DCDC1: variants seen among roughly 807,000 people sequenced by gnomAD.
The protein encoded by DCDC1 is doublecortin domain-containing protein 1.
Under a neutral mutation model 178.3 loss-of-function variants are expected in DCDC1, and 200 were observed. The ratio of observed to expected loss-of-function variants is 1.12; its 90% CI spans 1.00 to 1.26. The LOEUF (loss-of-function observed/expected upper bound fraction) is 1.26. DCDC1 is among the 50% of genes most tolerant of loss of function. The probability of loss-of-function intolerance (pLI) is 0.00; values close to 1 mark genes in which losing one functional copy is unlikely to be tolerated. For missense variants in DCDC1, 1,983 were observed against 1,749.2 expected, an observed-to-expected ratio of 1.13 and a Z score of -2.38; for synonymous variants, 690 against 604.8, an observed-to-expected ratio of 1.14 and a Z score of -2.07.
chr11:31,246,568 A>T (rs1443025261), intron 8 of DCDC1, among the ~76,000 whole-genome samples: 1 of 151,958 alleles, frequency 6.6e-6, no homozygotes, highest in Non-Finnish European at 1.5e-5. Context: ...CAGTCCAGGA[A>T]GTATGACTGC....
chr11:31,140,945 G>A (rs1166492034), intron 9 of DCDC1, among the ~76,000 whole-genome samples: 1 of 152,102 alleles, frequency 6.6e-6, no homozygotes, highest in Non-Finnish European at 1.5e-5. Context: ...TTTAAAACAT[G>A]TAGCCCCTTG....
intron 20 of DCDC1, among the ~76,000 whole-genome samples, chr11:31,004,791 T>C (rs1220703555): frequency 1.3e-5 from 2 of 152,040 alleles, no homozygotes; most frequent in Non-Finnish European, 1.5e-5. Context: ...TTAATTTCCC[T>C]GTGCCTCGGT....
chr11:31,071,309 T>G (rs1956545888), intron 18 of DCDC1, among the ~76,000 whole-genome samples: 1 of 152,184 alleles, frequency 6.6e-6, no homozygotes, highest in Admixed American at 6.6e-5. Context: ...GTTTTCAATA[T>G]TCACCATTCT....
At chr11:31,126,109 G>T (rs2135925923) in intron 11 of DCDC1, among the ~76,000 whole-genome samples, 1 of 152,180 alleles carries the variant, frequency 6.6e-6, no homozygotes, top group Non-Finnish European at 1.5e-5. Context: ...TCACACCGTA[G>T]TTCATACGAA....
At chr11:31,096,383 A>T (rs1339419372) in intron 15 of DCDC1, among the ~76,000 whole-genome samples, 9 of 152,172 alleles carry the variant, frequency 5.9e-5, no homozygotes, top group Admixed American at 2.0e-4. Context: ...ATCACACTCA[A>T]AACTCCCCTC....
At chr11:31,084,613 G>A (rs1327635184) in intron 17 of DCDC1, among the ~76,000 whole-genome samples, 1 of 151,970 alleles carries the variant, frequency 6.6e-6, no homozygotes, top group African/African-American at 2.4e-5. Flanking sequence ...CAGGAGGGAG[G>A]ATCCCTACAC....
intron 9 of DCDC1, among the ~76,000 whole-genome samples, chr11:31,139,030 G>A (rs532280230): frequency 6.6e-6 from 1 of 151,972 alleles, no homozygotes; most frequent in African/African-American, 2.4e-5. Flanking sequence ...GGCTTTATGG[G>A]GGTGGGGGGA....
At chr11:31,267,802 A>G (rs573589201) in intron 7 of DCDC1, among the ~76,000 whole-genome samples, 6 of 152,354 alleles carry the variant, frequency 3.9e-5, no homozygotes, top group African/African-American at 1.4e-4. Flanking sequence ...GCTTGAAACA[A>G]AAAGAAGAGT....
intron 9 of DCDC1, among the ~76,000 whole-genome samples, chr11:31,170,713 A>C (rs563878258): frequency 6.6e-6 from 1 of 152,340 alleles, no homozygotes; most frequent in South Asian, 2.1e-4. Context: ...CCTCAGCATC[A>C]AAGATGTCTG....
In DCDC1 at chr11:31,290,780, C is replaced by T. The variant is rs781437821; in HGVS notation, c.827G>A (p.Arg276Gln). ...AATAGAAAGAACAGGCTTGGTTTTC[C>T]GTCTTTTGATATCAGTAGGAAGCAT... The part of the protein sequence containing the change: ...GLMLPTDIKR[R>Q]KTKPVLSIRM... The change falls in exon 7 of 39, where the codon CGG becomes CAG. Residue 276 changes from arginine to glutamine, a missense_variant. Transcript: ENST00000684477. The T allele has an allele frequency of 1.5e-5, 24 of 1,613,250 alleles. No individual in the cohort carries two copies. The highest frequency in any genetic ancestry group is 1.1e-4 in the South Asian group (10 of 91,046).
chr11:31,290,524 A>G, intron 7 of DCDC1, 123 bp downstream of exon 7: 1 of 1,078,342 alleles, frequency 9.3e-7, no homozygotes, highest in Non-Finnish European at 1.3e-6. Flanking sequence ...TTTTAGTTCT[A>G]TATAATGTCT....
At chr11:31,038,313 T>C (rs1954214768) in intron 20 of DCDC1, among the ~76,000 whole-genome samples, 1 of 152,168 alleles carries the variant, frequency 6.6e-6, no homozygotes, top group Non-Finnish European at 1.5e-5. Context: ...AGAGTATTTG[T>C]GAATTTTTTT....
chr11:31,232,279 T>A (rs1471747430), intron 9 of DCDC1, among the ~76,000 whole-genome samples: 3 of 152,214 alleles, frequency 2.0e-5, no homozygotes, highest in Non-Finnish European at 4.4e-5. Context: ...CATACTGTGC[T>A]TTTTGTTAAT....
At chr11:31,214,739 G>A (rs1163378972) in intron 9 of DCDC1, among the ~76,000 whole-genome samples, 2 of 152,116 alleles carry the variant, frequency 1.3e-5, no homozygotes, top group Admixed American at 6.6e-5. Flanking sequence ...TAACAGAAAT[G>A]TGTTTTTATC....
At chr11:31,134,359 A>G (rs1490022754) in intron 10 of DCDC1, among the ~76,000 whole-genome samples, 1 of 152,178 alleles carries the variant, frequency 6.6e-6, no homozygotes, top group African/African-American at 2.4e-5. Flanking sequence ...GTTAGCACCA[A>G]TGTCTGAGGA....
rs193028082 is a variant in DCDC1, at chr11:31,251,230, T to C, written c.1055-9614A>G. Among the ~76,000 whole-genome samples, 169 of 152,340 alleles carry C rather than the reference T, an allele frequency of 1.1e-3. 1 individual carries two copies. The highest frequency in any genetic ancestry group is 3.9e-3 in the African/African-American group (162 of 41,574). On this transcript the variant is annotated intron_variant, in intron 8 of 38. Coordinates refer to ENST00000684477, the MANE Select transcript of DCDC1 (RefSeq NM_001387274.1). ...TATTAATTGCAGTTGTGATAATTAC[T>C]ATACACAGGGTGCTATGAATGTAAC... is the stretch of plus-strand genomic sequence containing the variant.
chr11:31,046,496 A>C (rs969196861), intron 20 of DCDC1, among the ~76,000 whole-genome samples: 1 of 152,042 alleles, frequency 6.6e-6, no homozygotes, highest in Non-Finnish European at 1.5e-5. Context: ...TATACTGTCA[A>C]ATTTCCAGTG....
chr11:30,925,218 G>C, intron 23 of DCDC1, 91 bp downstream of exon 23: 7 of 1,080,102 alleles, frequency 6.5e-6, no homozygotes, highest in Non-Finnish European at 8.2e-6. Flanking sequence ...AATTAAAATG[G>C]TAAGCATTTG....
In DCDC1 at chr11:31,205,886, TG is replaced by T. The variant is rs1476435892; in HGVS notation, c.1221+35563del. 2.0e-5 allele frequency among the ~76,000 whole-genome samples: 3 copies of T among 152,324 alleles called. No homozygotes were observed. In the East Asian group the frequency reaches 5.8e-4, roughly 29 times the overall value. The stretch of plus-strand genomic sequence containing the variant: ...TATCTGAATTTCAAATTTAACCGGC[TG>T]CCCTATAATTTATCTGGCAACCCTA... On this transcript the variant is annotated intron_variant, in intron 9 of 38. Transcript: ENST00000684477.
Sources: gnomAD v4.1 joint callset for allele counts (sites outside exome capture counted in the v4.1 genomes callset) on GRCh38, gnomAD v4.1.1 for gene constraint, MANE v1.5 for transcripts, NCBI Gene and HGNC (gene_info 2026-07-23, HGNC 2026-07-21) for gene names.